Variants in PTPN14 observed in about 807,000 individuals in gnomAD.
PTPN14 encodes the protein tyrosine-protein phosphatase non-receptor type 14.
PTPN14 carries 53 observed loss-of-function variants against 126.8 expected under a neutral mutation model. The observed-to-expected ratio is 0.42, with a 90% CI of 0.34 to 0.53. PTPN14 has a LOEUF of 0.53. Ranked by LOEUF, PTPN14 falls within the 20% of genes least tolerant of loss-of-function variation. The probability of loss-of-function intolerance (pLI) is 0.08; values close to 1 mark genes in which losing one functional copy is unlikely to be tolerated. For missense variants in PTPN14, 1,257 were observed against 1,552.9 expected (o/e 0.81, Z 3.20); for synonymous variants, 630 against 599.3 (o/e 1.05, Z -0.75).
Position 214,396,181 on chromosome 1 carries a change from C to A in PTPN14, c.759-1195G>T, listed in dbSNP as rs1040863605. 7.2e-5 allele frequency among the ~76,000 whole-genome samples: 11 copies of A among 152,174 alleles called. 1 individual carries two copies. Among genetic ancestry groups the A allele is most frequent in the African/African-American group, 2.4e-4 (10 of 41,422 alleles). On this transcript the variant is annotated intron_variant, in intron 8 of 18. Coordinates refer to ENST00000366956, the MANE Select transcript of PTPN14 (RefSeq NM_005401.5). ...AGCTGTATAGAGTCCGATTCTTACA[C>A]CAACTCTTTATGGCAGCTATTTTTG... is the stretch of plus-strand genomic sequence containing the variant.
Position 214,364,770 on chromosome 1 carries a change from T to C in PTPN14, c.3272-95A>G. Reference sequence around the variant, plus strand: ...AGCGGAAGAGAACTGATGGTGAGTGTGTGTGTGTGTGTGTGTGTGTGTGTG... The same window carrying C: ...AGCGGAAGAGAACTGATGGTGAGTGCGTGTGTGTGTGTGTGTGTGTGTGTG... On this transcript the variant is annotated intron_variant, in intron 17 of 18. Transcript: ENST00000366956. The surrounding 1 kb of genome is among the most constrained non-coding windows in gnomAD (Gnocchi z 4.1). 1 of 387,896 alleles carries C rather than the reference T, an allele frequency of 2.6e-6. No individual in the cohort carries two copies. Among genetic ancestry groups the C allele is most frequent in the South Asian group, 3.2e-5 (1 of 31,230 alleles). The allele number at this position is 387,896 out of a possible 1,614,324, so 24.0% of individuals were successfully genotyped here. A position where few individuals can be genotyped will look rare whatever the true frequency, so the allele number is the denominator to read the frequency against.
chr1:214,458,982 T>G (rs1660447498), intron 2 of PTPN14, among the ~76,000 whole-genome samples: 1 of 152,162 alleles, frequency 6.6e-6, no homozygotes, highest in Non-Finnish European at 1.5e-5. Context: ...TGGAATTGTC[T>G]TTGTTAATAG....
At chr1:214,500,401 T>C (rs1654653399) in intron 1 of PTPN14, among the ~76,000 whole-genome samples, 1 of 152,054 alleles carries the variant, frequency 6.6e-6, no homozygotes, top group African/African-American at 2.4e-5. Context: ...ACACCCAGAT[T>C]TTCCTAGTTC....
At chr1:214,434,037 T>C (rs1402076364) in intron 3 of PTPN14, among the ~76,000 whole-genome samples, 6 of 147,170 alleles carry the variant, frequency 4.1e-5, no homozygotes, top group Non-Finnish European at 8.9e-5. Flanking sequence ...GAGGCTGAGG[T>C]GGGAGGTTCA....
intron 1 of PTPN14, among the ~76,000 whole-genome samples, chr1:214,482,544 T>A (rs1313543998): frequency 2.0e-5 from 3 of 149,682 alleles, no homozygotes; most frequent in Non-Finnish European, 4.4e-5. Flanking sequence ...CATAGAGGCA[T>A]GCCGTAGATG....
chr1:214,500,631 G>T (rs74502979), intron 1 of PTPN14, among the ~76,000 whole-genome samples: 2,356 of 152,140 alleles, frequency 0.015, 55 homozygotes, highest in African/African-American at 0.054. Context: ...GGGACAGACA[G>T]AAACAATCAA....
intron 1 of PTPN14, among the ~76,000 whole-genome samples, chr1:214,510,474 A>C (rs1654947887): frequency 6.6e-6 from 1 of 152,220 alleles, no homozygotes; most frequent in African/African-American, 2.4e-5. Flanking sequence ...GCCTGTAATG[A>C]CATTGCAATG....
intron 5 of PTPN14, among the ~76,000 whole-genome samples, chr1:214,410,580 C>T (rs771413674): frequency 2.0e-5 from 3 of 152,162 alleles, no homozygotes; most frequent in Non-Finnish European, 2.9e-5. Flanking sequence ...CGTGAGCCAC[C>T]GCGCCTGGCC....
At chr1:214,443,803 C>G (rs943315021) in intron 3 of PTPN14, among the ~76,000 whole-genome samples, 1 of 152,230 alleles carries the variant, frequency 6.6e-6, no homozygotes, top group African/African-American at 2.4e-5. Context: ...ACCCATGAAG[C>G]TGGTCCTGGT....
At chr1:214,428,036 A>C (rs1219764063) in intron 3 of PTPN14, among the ~76,000 whole-genome samples, 1 of 152,182 alleles carries the variant, frequency 6.6e-6, no homozygotes, top group East Asian at 1.9e-4. Context: ...TAAGATGGGA[A>C]ACCAGTGGAA....
chr1:214,453,279 T>C (rs1660308963), intron 2 of PTPN14, among the ~76,000 whole-genome samples: 1 of 152,248 alleles, frequency 6.6e-6, no homozygotes, highest in East Asian at 1.9e-4. Flanking sequence ...TCTGACCCTA[T>C]TATTCATTTC....
At chr1:214,425,050 G>A (rs1276853108) in intron 3 of PTPN14, among the ~76,000 whole-genome samples, 3 of 152,086 alleles carry the variant, frequency 2.0e-5, no homozygotes, top group Non-Finnish European at 4.4e-5. Flanking sequence ...ACCTGCCTCG[G>A]CCTCCCAAAG....
intron 1 of PTPN14, among the ~76,000 whole-genome samples, chr1:214,536,976 G>A (rs1359494843): frequency 6.6e-6 from 1 of 152,086 alleles, no homozygotes; most frequent in African/African-American, 2.4e-5. Context: ...TACACTGAGA[G>A]AAAAAATGTC....
chr1:214,486,905 C>T (rs1029331647), intron 1 of PTPN14, among the ~76,000 whole-genome samples: 1 of 53,168 alleles, frequency 1.9e-5, no homozygotes, highest in South Asian at 6.3e-4. Flanking sequence ...CTCCGTAAAT[C>T]TGGAAAAGTT....
intron 3 of PTPN14, among the ~76,000 whole-genome samples, chr1:214,449,757 GT>G (rs1162505060): frequency 1.3e-5 from 2 of 151,878 alleles, no homozygotes; most frequent in Non-Finnish European, 2.9e-5. Flanking sequence ...TGAACACTAG[GT>G]TTTTTGGATC....
At chr1:214,411,901 ATAGT>A (rs1359674589) in intron 4 of PTPN14, 150 bp from the exon 5 acceptor site, 1 of 492,752 alleles carries the variant, frequency 2.0e-6, no homozygotes, top group Non-Finnish European at 3.5e-6. Context: ...TATGTTTGAC[ATAGT>A]TACTTTTATC....
intron 2 of PTPN14, among the ~76,000 whole-genome samples, chr1:214,458,605 G>A (rs986156783): frequency 2.6e-5 from 2 of 77,628 alleles, no homozygotes; most frequent in Admixed American, 3.0e-4. Context: ...AGAAAACTGA[G>A]GCACAGGGTA....
intron 13 of PTPN14, among the ~76,000 whole-genome samples, chr1:214,380,528 T>C (rs567564296): frequency 1.3e-5 from 2 of 152,256 alleles, no homozygotes; most frequent in East Asian, 3.9e-4. Flanking sequence ...AAGGAAGCAG[T>C]AGGAGCCAGA....
At chr1:214,542,552 C>G (rs1245800120) in intron 1 of PTPN14, among the ~76,000 whole-genome samples, 1 of 152,110 alleles carries the variant, frequency 6.6e-6, no homozygotes, top group Non-Finnish European at 1.5e-5. Context: ...GGTAGGTTAA[C>G]CAGGACACAG....
Sources: allele counts gnomAD v4.1 joint callset (sites outside exome capture counted in the v4.1 genomes callset), GRCh38; gene constraint gnomAD v4.1.1; non-coding constraint Gnocchi (gnomAD v3.1); transcripts MANE v1.5; gene names NCBI Gene and HGNC (gene_info 2026-07-23, HGNC 2026-07-21).